ZDHHC17: variants seen among roughly 807,000 people sequenced by gnomAD.
ZDHHC17 encodes the protein zDHHC palmitoyltransferase 17, also known as palmitoyltransferase ZDHHC17.
Under a neutral mutation model 90.3 loss-of-function variants are expected in ZDHHC17, and 40 were observed. The ratio of observed to expected loss-of-function variants is 0.44; its 90% CI spans 0.34 to 0.58. The LOEUF is 0.58. Ranked by LOEUF, ZDHHC17 falls within the 20% of genes least tolerant of loss-of-function variation. The pLI, the probability that ZDHHC17 is intolerant of heterozygous loss-of-function variation, is 0.01. For synonymous variants in ZDHHC17, 235 were observed against 252.4 expected (o/e 0.93, Z 0.65); for missense variants, 614 against 780.8 (o/e 0.79, Z 2.55).
chr12:76,838,768 G>A (rs1953398947), intron 10 of ZDHHC17, among the ~76,000 whole-genome samples: 1 of 152,168 alleles, frequency 6.6e-6, no homozygotes, highest in Non-Finnish European at 1.5e-5. Flanking sequence ...AGGGACTTAT[G>A]TTCCTGAAGG....
rs757581659 is a variant in ZDHHC17 at position 76,848,411 on chromosome 12, T to C, written c.1665+21T>C. ...ACCAGGTATGTGCAAAGGCATTCTT[T>C]TTAGTGCACTAAGTGAAAACTCTTC... is the stretch of plus-strand genomic sequence containing the variant. On this transcript the variant is annotated intron_variant, in intron 15 of 16. Coordinates refer to ENST00000426126, the MANE Select transcript of ZDHHC17 (RefSeq NM_015336.4). 42 of 1,609,902 alleles carry C rather than the reference T, an allele frequency of 2.6e-5. No individual in the cohort carries two copies. In the East Asian group the frequency reaches 9.4e-4, roughly 36 times the overall value.
In ZDHHC17 at chr12:76,851,279, A is replaced by C. The variant is rs181056327; in HGVS notation, c.*294A>C. 7.0e-4 allele frequency: 238 copies of C among 342,428 alleles called. 1 individual carries two copies. Among genetic ancestry groups the C allele is most frequent in the African/African-American group, 4.8e-3 (218 of 45,566 alleles). The allele number at this position is 342,428 out of a possible 1,614,324, so 21.2% of individuals were successfully genotyped here. ...TTTTGTTCTCACAGTATTTTTCACAAAAAAAGGGTAAACTTATTCTATTGA... is the reference window on the plus strand; with the variant it reads ...TTTTGTTCTCACAGTATTTTTCACACAAAAAGGGTAAACTTATTCTATTGA... On this transcript the variant is annotated 3_prime_UTR_variant, in exon 17 of 17. Coordinates refer to ENST00000426126, the MANE Select transcript of ZDHHC17 (RefSeq NM_015336.4).
intron 8 of ZDHHC17, among the ~76,000 whole-genome samples, chr12:76,823,414 A>G (rs1953189710): frequency 6.6e-6 from 1 of 152,230 alleles, no homozygotes; most frequent in East Asian, 1.9e-4. Flanking sequence ...GCCTGATTAT[A>G]TGATACTAAA....
At chr12:76,818,819 G>C (rs1953122537) in intron 7 of ZDHHC17, among the ~76,000 whole-genome samples, 1 of 152,180 alleles carries the variant, frequency 6.6e-6, no homozygotes, top group African/African-American at 2.4e-5. Flanking sequence ...TCAGTCATGG[G>C]AAACATTTGA....
chr12:76,795,337 T>C (rs2137742994), intron 1 of ZDHHC17, among the ~76,000 whole-genome samples: 1 of 151,898 alleles, frequency 6.6e-6, no homozygotes, highest in Non-Finnish European at 1.5e-5. Flanking sequence ...ACAACCTCTT[T>C]AACGTTGCAC....
rs1469270195 is a variant in ZDHHC17 at position 76,792,048 on chromosome 12, AG to A, written c.94-5385del. Among the ~76,000 whole-genome samples, 3 of 152,166 alleles carry A rather than the reference AG, an allele frequency of 2.0e-5. No homozygotes were observed. In the East Asian group the frequency reaches 5.8e-4, roughly 29 times the overall value. ...CAAATGTTGTTTCAGGAGGTTTTAT[AG>A]AACTTAATATTCAGCACCTCATTCT... On this transcript the variant is annotated intron_variant, in intron 1 of 16. Coordinates refer to ENST00000426126, the MANE Select transcript of ZDHHC17 (RefSeq NM_015336.4).
chr12:76,832,969 T>C (rs182560078), intron 10 of ZDHHC17, among the ~76,000 whole-genome samples: 2 of 152,316 alleles, frequency 1.3e-5, no homozygotes, highest in African/African-American at 4.8e-5. Context: ...TTGATTTTGG[T>C]GTTACAAATA....
intron 5 of ZDHHC17, among the ~76,000 whole-genome samples, chr12:76,812,774 C>T (rs1274378511): frequency 1.3e-5 from 2 of 151,940 alleles, no homozygotes; most frequent in African/African-American, 4.8e-5. Flanking sequence ...TCAGTTTTGT[C>T]ATTCTATTCT....
chr12:76,771,666 AT>A, intron 1 of ZDHHC17, among the ~76,000 whole-genome samples: 1 of 152,288 alleles, frequency 6.6e-6, no homozygotes, highest in South Asian at 2.1e-4. Context: ...TTTTTCAATT[AT>A]GAATACTCAT....
At chr12:76,775,530 C>G (rs994645917) in intron 1 of ZDHHC17, among the ~76,000 whole-genome samples, 1 of 151,978 alleles carries the variant, frequency 6.6e-6, no homozygotes, top group Non-Finnish European at 1.5e-5. Flanking sequence ...CTAAGTAAGT[C>G]TGTAAAAGAT....
At chr12:76,820,334 A>C (rs943059908) in intron 7 of ZDHHC17, among the ~76,000 whole-genome samples, 2 of 152,204 alleles carry the variant, frequency 1.3e-5, no homozygotes, top group Non-Finnish European at 2.9e-5. Context: ...GATTTGGAAT[A>C]CTAAGAATAA....
intron 3 of ZDHHC17, among the ~76,000 whole-genome samples, chr12:76,808,093 G>A (rs1223920273): frequency 6.6e-6 from 1 of 152,086 alleles, no homozygotes; most frequent in East Asian, 1.9e-4. Context: ...ATACTTATTT[G>A]CAGCCACAAA....
At chr12:76,844,418 C>T (rs1953469859) in intron 12 of ZDHHC17, 3 of 152,052 alleles carry the variant, frequency 2.0e-5, no homozygotes, top group Non-Finnish European at 4.4e-5. Context: ...AAACGAATTA[C>T]TTTGTTGATT....
chr12:76,797,941 C>CCG (rs1379435547), intron 2 of ZDHHC17, among the ~76,000 whole-genome samples: 1 of 147,476 alleles, frequency 6.8e-6, no homozygotes, highest in African/African-American at 2.5e-5. Flanking sequence ...TGAAACTCTG[C>CCG]CACACACACA....
intron 7 of ZDHHC17, among the ~76,000 whole-genome samples, chr12:76,817,037 T>C (rs1592484947): frequency 6.6e-6 from 1 of 152,182 alleles, no homozygotes; most frequent in East Asian, 1.9e-4. Context: ...TGATAAGCGA[T>C]GGGCACTCTA....
chr12:76,771,776 A>C (rs1952495053), intron 1 of ZDHHC17, among the ~76,000 whole-genome samples: 1 of 152,198 alleles, frequency 6.6e-6, no homozygotes, highest in Non-Finnish European at 1.5e-5. Flanking sequence ...AGTTGAAGAC[A>C]GAAGTTTCTT....
chr12:76,823,657 C>G lies in ZDHHC17; in HGVS notation c.897+1126C>G, dbSNP rs145850894. Among the ~76,000 whole-genome samples the G allele has an allele frequency of 3.2e-3, 489 of 152,254 alleles. 1 individual carries two copies. The highest frequency in any genetic ancestry group is 0.011 in the African/African-American group (467 of 41,548). On this transcript the variant is annotated intron_variant, in intron 8 of 16. Transcript: ENST00000426126. ...TTGATTATTTAAAGTTAATATTGAT[C>G]TATCTGTTACCAAGGCAAAAAGACA...
chr12:76,849,118 TAA>T (rs1035048447), intron 15 of ZDHHC17, among the ~76,000 whole-genome samples: 2 of 48,470 alleles, frequency 4.1e-5, no homozygotes, highest in African/African-American at 7.7e-5. Context: ...ACCCTATCTC[TAA>T]AAAAAAAAAA....
At chr12:76,813,214 C>T (rs965831774) in intron 5 of ZDHHC17, 2 of 282,180 alleles carry the variant, frequency 7.1e-6, no homozygotes, top group South Asian at 6.1e-5. Flanking sequence ...TGAGGTCCTA[C>T]GGAAATTAGG....
Sources: allele counts gnomAD v4.1 joint callset (sites outside exome capture counted in the v4.1 genomes callset), GRCh38; gene constraint gnomAD v4.1.1; transcripts MANE v1.5; gene names NCBI Gene and HGNC (gene_info 2026-07-23, HGNC 2026-07-21).